KTN1: variants seen among roughly 807,000 people sequenced by gnomAD.
KTN1 encodes kinectin.
A neutral mutation model predicts 222.5 loss-of-function variants in KTN1; 130 were observed. That is an observed-to-expected ratio of 0.58 (90% confidence interval 0.51 to 0.68). KTN1 has a LOEUF of 0.68. Ranked by LOEUF, KTN1 falls within the 30% of genes least tolerant of loss-of-function variation. KTN1 has a pLI of 0.00. For synonymous variants in KTN1, 512 were observed against 496.3 expected (o/e 1.03, Z -0.42); for missense variants, 1,508 against 1,500.4 (o/e 1.01, Z -0.08).
At chr14:55,629,148 G>T (rs2040206732) in intron 6 of KTN1, among the ~76,000 whole-genome samples, 2 of 152,206 alleles carry the variant, frequency 1.3e-5, no homozygotes, top group African/African-American at 4.8e-5. Context: ...CGGGCGCAGT[G>T]GCTCATGCCT....
At chr14:55,626,570 A>G (rs2039852709) in intron 5 of KTN1, among the ~76,000 whole-genome samples, 1 of 151,790 alleles carries the variant, frequency 6.6e-6, no homozygotes, top group Non-Finnish European at 1.5e-5. Context: ...GGTATCGTGT[A>G]TAGATCCTGT....
intron 5 of KTN1, among the ~76,000 whole-genome samples, chr14:55,626,786 G>C (rs1490724335): frequency 6.6e-6 from 1 of 152,040 alleles, no homozygotes; most frequent in Admixed American, 6.6e-5. Flanking sequence ...TCCCTGTAGA[G>C]AATCTTTTGA....
intron 1 of KTN1, among the ~76,000 whole-genome samples, chr14:55,608,016 A>C (rs949321907): frequency 6.6e-6 from 1 of 152,222 alleles, no homozygotes; most frequent in Non-Finnish European, 1.5e-5. Flanking sequence ...ACATGTCTCC[A>C]TGTTTTTCAA....
intron 1 of KTN1, among the ~76,000 whole-genome samples, chr14:55,596,512 T>G (rs2035065530): frequency 1.3e-5 from 2 of 152,194 alleles, no homozygotes; most frequent in African/African-American, 4.8e-5. Context: ...CCTCTACTTG[T>G]GGCTATATTT....
At chr14:55,587,423 T>G (rs909824560) in intron 1 of KTN1, among the ~76,000 whole-genome samples, 6 of 152,204 alleles carry the variant, frequency 3.9e-5, no homozygotes, top group African/African-American at 1.4e-4. Context: ...AATCTGTACA[T>G]AAATAATTTA....
At chr14:55,661,291 G>C (rs986119612) in intron 31 of KTN1, 43 of 353,878 alleles carry the variant, frequency 1.2e-4, no homozygotes, top group Middle Eastern at 1.5e-3. Context: ...TTTCTCTTTA[G>C]CACAAGCCTG....
intron 34 of KTN1, chr14:55,667,858 A>G (rs966217747): frequency 1.3e-5 from 2 of 151,862 alleles, no homozygotes; most frequent in African/African-American, 2.4e-5. Context: ...GAGGGCAGAG[A>G]AAGTCAGTGA....
intron 21 of KTN1, 46 bp from the exon 22 acceptor site, chr14:55,649,730 T>A (rs897681986): frequency 2.6e-6 from 3 of 1,144,186 alleles, no homozygotes; most frequent in Admixed American, 4.3e-5. Flanking sequence ...TCTGACCCAT[T>A]TCTATTTTGA....
intron 28 of KTN1, among the ~76,000 whole-genome samples, chr14:55,654,312 A>G (rs1262298092): frequency 6.6e-6 from 1 of 151,162 alleles, no homozygotes; most frequent in African/African-American, 2.4e-5. Context: ...AACTGTCAAG[A>G]TATTGAGGAT....
In KTN1 at chr14:55,672,925, C is replaced by T. The variant is rs768412080; in HGVS notation, c.3604-4C>T. The T allele has an allele frequency of 3.7e-6, 6 of 1,610,066 alleles. No individual in the cohort carries two copies. The African/African-American group carries it at 6.7e-5, about 18-fold the overall frequency. The stretch of plus-strand genomic sequence containing the variant: ...TGTTAACTTTTCCTTTGTTGCATTG[C>T]TAGCTGAGAAGAGAACGAGAACATT... On this transcript the variant is annotated splice_region_variant and splice_polypyrimidine_tract_variant and intron_variant, in intron 38 of 43. Transcript: ENST00000395314.
At chr14:55,658,723 T>C in intron 30 of KTN1, 109 bp downstream of exon 30, 2 of 671,344 alleles carry the variant, frequency 3.0e-6, no homozygotes, top group South Asian at 3.9e-5. Context: ...GAATGAAGTA[T>C]GTTTTATTTA....
Position 55,684,261 on chromosome 14 carries a change from G to GA in KTN1, c.*158_*159insA. On this transcript the variant is annotated 3_prime_UTR_variant, in exon 44 of 44. Coordinates refer to ENST00000395314, the MANE Select transcript of KTN1 (RefSeq NM_001079521.2). ...CTTGTTAGACTACTGATTTAAAGAAGGAAAAAAAAAAGCCAACTCTGTAGA... is the reference window on the plus strand; with the variant it reads ...CTTGTTAGACTACTGATTTAAAGAAGAGAAAAAAAAAAGCCAACTCTGTAGA... 2.1e-6 allele frequency: 1 copy of GA among 484,228 alleles called. No homozygotes were observed. The highest frequency in any genetic ancestry group is 3.5e-6 in the Non-Finnish European group (1 of 283,584). The allele number at this position is 484,228 out of a possible 1,614,324, so 30.0% of individuals were successfully genotyped here.
At chr14:55,647,086 C>G (rs996578502) in intron 19 of KTN1, 79 bp downstream of exon 19, 6 of 916,616 alleles carry the variant, frequency 6.5e-6, no homozygotes, top group Admixed American at 6.4e-5. Context: ...TTTTAAAATT[C>G]TCTTTAAACT....
chr14:55,626,003 TA>T (rs2039771102), intron 5 of KTN1, among the ~76,000 whole-genome samples: 1 of 152,212 alleles, frequency 6.6e-6, no homozygotes, highest in Non-Finnish European at 1.5e-5. Context: ...TGGCATTCAG[TA>T]ATTGTACTAT....
chr14:55,640,430 G>A lies in KTN1; in HGVS notation c.1971G>A (p.Leu657=). ...CTGAAGTGCAGAAATTACAGGCCCT[G>A]GCAAATGAGCAGGTAGATCTTTATT... ...LKAEVQKLQA[L]ANEQAAAAHE... The change falls in exon 15 of 44, where the codon CTG becomes CTA. Residue 657 remains leucine, a synonymous_variant. Transcript: ENST00000395314. The A allele has an allele frequency of 6.2e-7, 1 of 1,606,686 alleles. No homozygotes were observed. Among genetic ancestry groups the A allele is most frequent in the African/African-American group, 1.3e-5 (1 of 74,744 alleles).
intron 11 of KTN1, 96 bp from the exon 12 acceptor site, chr14:55,637,683 A>G: frequency 1.1e-6 from 1 of 871,690 alleles, no homozygotes; most frequent in Non-Finnish European, 1.7e-6. Context: ...AAAAAAAAGA[A>G]AAAGATAAAC....
rs1232543819 is a variant in KTN1 at position 55,650,259 on chromosome 14, G to A, written c.2406-69G>A. The A allele has an allele frequency of 1.5e-5, 14 of 933,632 alleles. No homozygotes were observed. The East Asian group carries it at 3.5e-4, about 24-fold the overall frequency. The allele number at this position is 933,632 out of a possible 1,614,324, so 57.8% of individuals were successfully genotyped here. A position where few individuals can be genotyped will look rare whatever the true frequency, so the allele number is the denominator to read the frequency against. ...ATTTGGAGAGCCATTTCATTATTTG[G>A]TGCTATTTTTATATCTTGGTGGGTC... On this transcript the variant is annotated intron_variant, in intron 22 of 43. Coordinates refer to ENST00000395314, the MANE Select transcript of KTN1 (RefSeq NM_001079521.2).
intron 29 of KTN1, among the ~76,000 whole-genome samples, chr14:55,657,952 T>C (rs2043678698): frequency 1.3e-5 from 2 of 152,132 alleles, no homozygotes; most frequent in Non-Finnish European, 2.9e-5. Flanking sequence ...AATGTGTTTA[T>C]AATTCTTTTT....
intron 27 of KTN1, 120 bp downstream of exon 27, chr14:55,653,205 C>T (rs1397476845): frequency 2.7e-6 from 2 of 728,994 alleles, no homozygotes; most frequent in Non-Finnish European, 4.6e-6. Flanking sequence ...TTATGTTGTA[C>T]CATAGTTTTG....
Sources: gnomAD v4.1 joint callset for allele counts (sites outside exome capture counted in the v4.1 genomes callset) on GRCh38, gnomAD v4.1.1 for gene constraint, MANE v1.5 for transcripts, NCBI Gene and HGNC (gene_info 2026-07-23, HGNC 2026-07-21) for gene names.